The following TNS1 variants were observed in gnomAD, a reference collection of about 807,000 sequenced individuals.
TNS1 encodes tensin-1.
A neutral mutation model predicts 168.6 loss-of-function variants in TNS1; 62 were observed. The observed-to-expected ratio is 0.37, with a 90% CI of 0.30 to 0.45. The LOEUF is 0.45. Ranked by LOEUF, TNS1 falls within the 20% of genes least tolerant of loss-of-function variation. TNS1 has a pLI of 1.00. For synonymous variants in TNS1, 934 were observed against 933.2 expected, an observed-to-expected ratio of 1.00 and a Z score of -0.02; for missense variants, 2,240 against 2,339.4, an observed-to-expected ratio of 0.96 and a Z score of 0.88.
In TNS1 at chr2:218,033,298, G is replaced by A. The variant is rs1958915058; in HGVS notation, c.156+522C>T. Among the ~76,000 whole-genome samples the A allele has an allele frequency of 1.3e-5, 2 of 152,120 alleles. No individual in the cohort carries two copies. The highest frequency in any genetic ancestry group is 2.9e-5 in the Non-Finnish European group (2 of 68,014). On this transcript the variant is annotated intron_variant, in intron 1 of 1. Transcript: ENST00000649572. The surrounding 1 kb of genome is among the most constrained non-coding windows in gnomAD (Gnocchi z 4.3). Reference sequence around the variant, plus strand: ...CAGACCTGTCCCCACTGCCAGGTCAGCTCCCCACTTGCTAGTCTCTGAGAC... The same window carrying A: ...CAGACCTGTCCCCACTGCCAGGTCAACTCCCCACTTGCTAGTCTCTGAGAC...
At chr2:217,815,048 C>T (rs769671122) in intron 24 of TNS1, 50 bp from the exon 25 acceptor site, 9 of 1,458,726 alleles carry the variant, frequency 6.2e-6, no homozygotes, top group Non-Finnish European at 8.6e-6. Context: ...TGTGTTCACC[C>T]AAAACATACA....
intron 1 of TNS1, among the ~76,000 whole-genome samples, chr2:218,009,662 C>A (rs1255474117): frequency 1.3e-5 from 2 of 152,214 alleles, no homozygotes; most frequent in East Asian, 3.9e-4. Context: ...CACTTCCTTA[C>A]CTCGCTGCCT....
intron 23 of TNS1, among the ~76,000 whole-genome samples, chr2:217,819,619 A>G (rs373294692): frequency 1.3e-5 from 2 of 152,326 alleles, no homozygotes; most frequent in East Asian, 3.9e-4. Flanking sequence ...GCATGGAGTG[A>G]CAGATGAAAG....
chr2:217,959,680 A>T (rs1400406612), intron 3 of TNS1, among the ~76,000 whole-genome samples: 1 of 152,136 alleles, frequency 6.6e-6, no homozygotes, highest in Non-Finnish European at 1.5e-5. Context: ...CACTATTATT[A>T]TTATTATTAT....
At chr2:217,987,821 GC>G (rs1425382560) in intron 2 of TNS1, among the ~76,000 whole-genome samples, 1 of 152,184 alleles carries the variant, frequency 6.6e-6, no homozygotes, top group Non-Finnish European at 1.5e-5. Flanking sequence ...GTCCACACAT[GC>G]CCCCTCAGCC....
In TNS1 at chr2:217,959,708, G is replaced by A. The variant is rs368299733; in HGVS notation, c.186+19057C>T. ...ATTATTATGGACTATCCCACCCAAT[G>A]TCCACACTCAAGCCCTTTGGTATTC... On this transcript the variant is annotated intron_variant, in intron 3 of 32. Transcript: ENST00000682258. Among the ~76,000 whole-genome samples the A allele has an allele frequency of 2.2e-4, 34 of 152,260 alleles. No individual in the cohort carries two copies. The East Asian group carries it at 3.7e-3, about 16-fold the overall frequency.
intron 27 of TNS1, 79 bp from the exon 28 acceptor site, chr2:217,812,524 G>A (rs1258375957): frequency 3.4e-5 from 40 of 1,170,890 alleles, no homozygotes; most frequent in Middle Eastern, 3.9e-4. Flanking sequence ...CCCTTACACC[G>A]ATACACACAA....
chr2:217,843,922 T>G (rs1319145500), intron 19 of TNS1, among the ~76,000 whole-genome samples: 1 of 152,148 alleles, frequency 6.6e-6, no homozygotes, highest in African/African-American at 2.4e-5. Context: ...CTTCCTTTTC[T>G]TTCACACTCA....
At chr2:218,012,296 C>T (rs1048453213), upstream of TNS1, among the ~76,000 whole-genome samples, 2 of 152,142 alleles carry the variant, frequency 1.3e-5, no homozygotes, top group African/African-American at 4.8e-5. Flanking sequence ...TAAAGTGTGG[C>T]CCTGCCTAGA....
chr2:217,859,967 G>T (rs1411729654), intron 18 of TNS1, among the ~76,000 whole-genome samples: 5 of 152,212 alleles, frequency 3.3e-5, no homozygotes, highest in African/African-American at 1.2e-4. Flanking sequence ...GAGTGGACAG[G>T]AGGTGATCTG....
chr2:217,836,619 G>A (rs908706571), intron 19 of TNS1, among the ~76,000 whole-genome samples: 1 of 152,154 alleles, frequency 6.6e-6, no homozygotes, highest in East Asian at 1.9e-4. Context: ...TCAAGCCTGT[G>A]GGGAAGAACT....
chr2:217,882,390 C>T lies in TNS1; in HGVS notation c.1268G>A (p.Gly423Asp). The change falls in exon 17 of 33, where the codon GGC (glycine) becomes GAC (aspartate). Residue 423 changes from glycine (G) to aspartate (D), a missense_variant. By Grantham distance (94) the Gly-to-Asp change is moderately conservative. Coordinates refer to ENST00000682258, the MANE Select transcript of TNS1 (RefSeq NM_001387777.1). Reference sequence around the variant, plus strand: ...ATAAGAAAATACAAACTCCACTTTGCCATACTCTGGAAATCGATCATCTGG... The same window carrying T: ...ATAAGAAAATACAAACTCCACTTTGTCATACTCTGGAAATCGATCATCTGG... ...AFKDDRFPEY[G>D]KVEFVFSYGP... The T allele has an allele frequency of 6.2e-7, 1 of 1,604,718 alleles. No individual in the cohort carries two copies. The highest frequency in any genetic ancestry group is 8.5e-7 in the Non-Finnish European group (1 of 1,177,378).
chr2:217,935,776 C>T (rs993468263), intron 3 of TNS1, among the ~76,000 whole-genome samples: 2 of 152,226 alleles, frequency 1.3e-5, no homozygotes, highest in African/African-American at 4.8e-5. Flanking sequence ...TTATGCAGAA[C>T]AGCCTGCATG....
intron 3 of TNS1, among the ~76,000 whole-genome samples, chr2:217,978,046 C>T (rs951967744): frequency 5.9e-5 from 9 of 152,150 alleles, no homozygotes; most frequent in Non-Finnish European, 1.2e-4. Flanking sequence ...CCTGTTACTC[C>T]AAGAAGCTGA....
intron 4 of TNS1, among the ~76,000 whole-genome samples, chr2:217,917,092 G>A (rs1013158602): frequency 2.0e-5 from 3 of 152,154 alleles, no homozygotes; most frequent in South Asian, 2.1e-4. Context: ...ACTTTCTCCC[G>A]GTTTCCCCTG....
At chr2:217,846,688 C>T (rs964105549) in intron 19 of TNS1, among the ~76,000 whole-genome samples, 2 of 152,228 alleles carry the variant, frequency 1.3e-5, no homozygotes, top group African/African-American at 4.8e-5. Flanking sequence ...GGAAGGGAAC[C>T]TCGCAGCTGT....
intron 4 of TNS1, among the ~76,000 whole-genome samples, chr2:217,908,810 GT>G (rs1177999209): frequency 3.3e-5 from 5 of 151,910 alleles, no homozygotes; most frequent in African/African-American, 1.2e-4. Flanking sequence ...AGGCACAGGG[GT>G]TGGGGGGACA....
Position 217,847,790 on chromosome 2 carries a change from C to T in TNS1, c.2727G>A (p.Leu909=), listed in dbSNP as rs200412682. The T allele has an allele frequency of 2.5e-3, 4,016 of 1,604,992 alleles. 114 individuals carry two copies. In the South Asian group the frequency reaches 0.041, roughly 16 times the overall value. Residue 909 remains leucine (L), a synonymous_variant, in exon 19 of 33, where the codon CTG becomes CTA. Transcript: ENST00000682258. ...AAGACCTGCCAGGAGGGACAGACTC[C>T]AGAGAGGCCCGTGGGGCTGGCTCAG... ...GTPEPAPRAS[L]ESVPPGRSYS...
At chr2:217,921,713 T>G (rs760918017) in intron 3 of TNS1, among the ~76,000 whole-genome samples, 1 of 152,176 alleles carries the variant, frequency 6.6e-6, no homozygotes, top group Non-Finnish European at 1.5e-5. Context: ...ATTCTAGGAC[T>G]GGTGGGAGAA....
Sources: allele counts gnomAD v4.1 joint callset (sites outside exome capture counted in the v4.1 genomes callset), GRCh38; gene constraint gnomAD v4.1.1; non-coding constraint Gnocchi (gnomAD v3.1); transcripts MANE v1.5; gene names NCBI Gene and HGNC (gene_info 2026-07-23, HGNC 2026-07-21).